The following PRDM15 variants were observed in gnomAD, a reference collection of about 807,000 sequenced individuals.
PRDM15 encodes PR domain zinc finger protein 15.
Under a neutral mutation model 128.6 loss-of-function variants are expected in PRDM15, and 64 were observed. The observed-to-expected ratio is 0.50, with a 90% CI of 0.41 to 0.61. PRDM15 has a LOEUF of 0.61. Among genes scored for constraint, PRDM15 ranks in the 20% least tolerant of loss-of-function variants. The probability of loss-of-function intolerance (pLI) is 0.00; values close to 1 mark genes in which losing one functional copy is unlikely to be tolerated. For missense variants in PRDM15, 1,242 were observed against 1,569.1 expected (o/e 0.79, Z 3.52); for synonymous variants, 615 against 621.8 (o/e 0.99, Z 0.16).
At chr21:41,815,221 T>C (rs1464902863) in intron 19 of PRDM15, among the ~76,000 whole-genome samples, 1 of 152,216 alleles carries the variant, frequency 6.6e-6, no homozygotes, top group Admixed American at 6.5e-5. Context: ...ACCGACTCCT[T>C]TCTATGCACA....
chr21:41,867,039 C>A (rs2145976549), intron 1 of PRDM15, among the ~76,000 whole-genome samples: 1 of 152,314 alleles, frequency 6.6e-6, no homozygotes, highest in African/African-American at 2.4e-5. Context: ...GCTCGCCTAG[C>A]AGGGTGACCT....
intron 22 of PRDM15, among the ~76,000 whole-genome samples, chr21:41,803,921 G>C (rs917307576): frequency 6.7e-6 from 1 of 148,252 alleles, no homozygotes. Context: ...TAATTGGTAT[G>C]TTTAAACTTA....
intron 18 of PRDM15, 117 bp downstream of exon 18, chr21:41,819,465 C>CCCCCCCCCCCCCCCCCCCCA: frequency 1.4e-6 from 1 of 720,886 alleles, no homozygotes; most frequent in Non-Finnish European, 2.1e-6. Flanking sequence ...CCCCGGCCCC[C>CCCCCCCCCCCCCCCCCCCCA]GCCCCCGCCA....
rs766084657 is a variant in PRDM15 at position 41,835,423 on chromosome 21, A to C, written c.1366+14T>G. The C allele has an allele frequency of 6.2e-7, 1 of 1,600,876 alleles. No individual in the cohort carries two copies. Among genetic ancestry groups the C allele is most frequent in the Admixed American group, 1.7e-5 (1 of 59,930 alleles). On this transcript the variant is annotated intron_variant, in intron 11 of 23. Transcript: ENST00000398548. ...CGCACAGCGGCCGAGGGGAGACGTGACCGGCGCCCTCACCTGTCCTGCAGT... is the reference window on the plus strand; with the variant it reads ...CGCACAGCGGCCGAGGGGAGACGTGCCCGGCGCCCTCACCTGTCCTGCAGT...
chr21:41,865,500 C>T (rs1417909032), intron 1 of PRDM15, among the ~76,000 whole-genome samples: 3 of 151,600 alleles, frequency 2.0e-5, no homozygotes, highest in Non-Finnish European at 4.4e-5. Flanking sequence ...CTTCCTGGTA[C>T]ACCCCCTAAC....
Position 41,859,257 on chromosome 21 carries a change from G to C in PRDM15, c.131+335C>G. 6.2e-7 allele frequency: 1 copy of C among 1,606,108 alleles called. No homozygotes were observed. The highest frequency in any genetic ancestry group is 8.5e-7 in the Non-Finnish European group (1 of 1,174,268). ...GAATGCAGAGAGAAGCCAACGAGCA[G>C]ACCTCCAGCTTGGCTGCTGGTGCTC... On this transcript the variant is annotated intron_variant, in intron 3 of 23. Coordinates refer to ENST00000398548, the MANE Select transcript of PRDM15 (RefSeq NM_001040424.3). This position sits in a 1 kb window ranked among gnomAD's most constrained non-coding sequence, Gnocchi z 5.3.
In PRDM15 at chr21:41,839,901, C is replaced by T. The variant is rs115995878; in HGVS notation, c.641-48G>A. On this transcript the variant is annotated intron_variant, in intron 6 of 23. Coordinates refer to ENST00000398548, the MANE Select transcript of PRDM15 (RefSeq NM_001040424.3). ...ACCACACAATTAGGAAGCCTGCCAC[C>T]GTCCACACCCACCCTGGCCTCTGGT... is the stretch of plus-strand genomic sequence containing the variant. 2,570 of 1,505,316 alleles carry T rather than the reference C, an allele frequency of 1.7e-3. 33 individuals are homozygous for T. In the African/African-American group the frequency reaches 0.03, roughly 18 times the overall value. The allele number at this position is 1,505,316 out of a possible 1,614,324, so 93.2% of individuals were successfully genotyped here.
intron 21 of PRDM15, among the ~76,000 whole-genome samples, chr21:41,806,030 C>A (rs796331724): frequency 9.1e-5 from 3 of 33,126 alleles, no homozygotes; most frequent in Non-Finnish European, 1.6e-4. Flanking sequence ...ACCACCACCA[C>A]CATCACCACC....
intron 1 of PRDM15, among the ~76,000 whole-genome samples, chr21:41,870,272 TA>T (rs761687074): frequency 2.0e-5 from 3 of 152,146 alleles, no homozygotes; most frequent in Non-Finnish European, 4.4e-5. Flanking sequence ...AAAAAAGTAT[TA>T]AGGAATTTTT....
At position 41,810,909 on chromosome 21, in the gene PRDM15, C is replaced by A. The variant is rs1028673410; in HGVS notation, c.2393-73G>T. 6 of 1,403,912 alleles carry A rather than the reference C, an allele frequency of 4.3e-6. No homozygotes were observed. In the African/African-American group the frequency reaches 8.5e-5, roughly 20 times the overall value. 87.0% of individuals were successfully genotyped at this position (1,403,912 alleles called of 1,614,324 possible). Reference sequence around the variant, plus strand: ...AGTCCACATCAGGGCATGTCTTCTCCCTGACACGTTCCAGGCACTGTAGGG... The same window carrying A: ...AGTCCACATCAGGGCATGTCTTCTCACTGACACGTTCCAGGCACTGTAGGG... On this transcript the variant is annotated intron_variant, in intron 19 of 23. Coordinates refer to ENST00000398548, the MANE Select transcript of PRDM15 (RefSeq NM_001040424.3). This position sits in a 1 kb window ranked among gnomAD's most constrained non-coding sequence, Gnocchi z 6.4.
At chr21:41,829,529 C>T (rs1164845336) in intron 11 of PRDM15, among the ~76,000 whole-genome samples, 2 of 151,188 alleles carry the variant, frequency 1.3e-5, no homozygotes, top group East Asian at 1.9e-4. Flanking sequence ...TATAATCACA[C>T]ACCACACAGA....
chr21:41,858,395 C>T (rs746721510), intron 3 of PRDM15, among the ~76,000 whole-genome samples: 4,883 of 147,806 alleles, frequency 0.033, 64 homozygotes, highest in Middle Eastern at 0.087. Context: ...CAGGCCCCTC[C>T]GACAGAGGCG....
chr21:41,810,720 G>A lies in PRDM15; in HGVS notation c.2476+33C>T, dbSNP rs781405071. 39 of 1,584,216 alleles carry A rather than the reference G, an allele frequency of 2.5e-5. No individual in the cohort carries two copies. The East Asian group carries it at 4.7e-4, about 19-fold the overall frequency. ...ACAGCCCCGGCAGCCTGCCGCGTGCGCCCCGAAGGCTCCTTCAGGCTGCGC... is the reference window on the plus strand; with the variant it reads ...ACAGCCCCGGCAGCCTGCCGCGTGCACCCCGAAGGCTCCTTCAGGCTGCGC... On this transcript the variant is annotated intron_variant, in intron 20 of 23. Coordinates refer to ENST00000398548, the MANE Select transcript of PRDM15 (RefSeq NM_001040424.3). The surrounding 1 kb of genome is among the most constrained non-coding windows in gnomAD (Gnocchi z 6.4).
In PRDM15 at chr21:41,815,802, C is replaced by T; in HGVS notation, c.2295G>A (p.Met765Ile). The change falls in exon 19 of 24, where the codon ATG becomes ATA. Residue 765 changes from methionine to isoleucine, a missense_variant. This residue lies in a region of PRDM15 where 602 missense variants were observed against 788.3 expected (regional missense o/e 0.76). Transcript: ENST00000398548. ...MKTKHALRHH[M>I]KLHKGIKEYE... ...ACTCCTTGATGCCCTTGTGCAGCTTCATGTGGTGGCGCAGCGCGTGCTTGG... is the reference window on the plus strand; with the variant it reads ...ACTCCTTGATGCCCTTGTGCAGCTTTATGTGGTGGCGCAGCGCGTGCTTGG... 6.2e-7 allele frequency: 1 copy of T among 1,614,076 alleles called. No individual in the cohort carries two copies. The highest frequency in any genetic ancestry group is 8.5e-7 in the Non-Finnish European group (1 of 1,179,964).
intron 22 of PRDM15, 171 bp from the exon 23 acceptor site, chr21:41,803,092 A>G: frequency 1.6e-6 from 1 of 632,144 alleles, no homozygotes; most frequent in East Asian, 2.6e-5. Context: ...ATTTCTAAGG[A>G]TCGGGGCAAG....
rs374428840 is a variant in PRDM15 at position 41,801,795 on chromosome 21, C to T, written c.2944-73G>A. On this transcript the variant is annotated intron_variant, in intron 23 of 23. Transcript: ENST00000398548. ...GGAACGCAAGGACCTCCCCAGGATG[C>T]GCTCTGTGTTACCACACCAAAGAAG... 1.5e-5 allele frequency: 22 copies of T among 1,503,864 alleles called. No individual in the cohort carries two copies. In the East Asian group the frequency reaches 1.6e-4, roughly 11 times the overall value. 93.2% of individuals were successfully genotyped at this position (1,503,864 alleles called of 1,614,324 possible).
chr21:41,878,751 C>A, intron 1 of PRDM15: 1 of 1,554,102 alleles, frequency 6.4e-7, no homozygotes, highest in East Asian at 2.5e-5. Flanking sequence ...CCCGTGCGAC[C>A]CGCATGGGCT....
rs528593807 is a variant in PRDM15, at chr21:41,854,263, G to A, written c.538+303C>T. On this transcript the variant is annotated intron_variant, in intron 5 of 23. Coordinates refer to ENST00000398548, the MANE Select transcript of PRDM15 (RefSeq NM_001040424.3). The surrounding 1 kb of genome is among the most constrained non-coding windows in gnomAD (Gnocchi z 4.6). ...AGGCCATCAAGGTGCGCGAGAGTGCGCTCTACCATGCACTCATGACAATGC... is the reference window on the plus strand; with the variant it reads ...AGGCCATCAAGGTGCGCGAGAGTGCACTCTACCATGCACTCATGACAATGC... Among the ~76,000 whole-genome samples the A allele has an allele frequency of 9.3e-4, 142 of 152,228 alleles. No homozygotes were observed. Among genetic ancestry groups the A allele is most frequent in the Non-Finnish European group, 1.7e-3 (118 of 68,020 alleles).
rs529446340 is a variant in PRDM15 at position 41,811,901 on chromosome 21, T to A, written c.2393-1065A>T. The stretch of plus-strand genomic sequence containing the variant: ...GGCTTTCACCGTGGTCTCGATCTCC[T>A]GACCTCGTGATCCGCCCGCCTCGGC... On this transcript the variant is annotated intron_variant, in intron 19 of 23. Transcript: ENST00000398548. The surrounding 1 kb of genome is among the most constrained non-coding windows in gnomAD (Gnocchi z 4.1). 6.6e-6 allele frequency: 1 copy of A among 152,188 alleles called. No homozygotes were observed. Among genetic ancestry groups the A allele is most frequent in the Non-Finnish European group, 1.5e-5 (1 of 68,052 alleles). The allele number at this position is 152,188 out of a possible 1,614,324, so 9.4% of individuals were successfully genotyped here. A position where few individuals can be genotyped will look rare whatever the true frequency, so the allele number is the denominator to read the frequency against.
Sources: gnomAD v4.1 joint callset for allele counts (sites outside exome capture counted in the v4.1 genomes callset) on GRCh38, gnomAD v4.1.1 for gene constraint, gnomAD v4.1.1 regional missense constraint, Gnocchi (gnomAD v3.1) non-coding constraint, MANE v1.5 for transcripts, NCBI Gene and HGNC (gene_info 2026-07-23, HGNC 2026-07-21) for gene names.